The following TYW1 variants were observed in gnomAD, a reference collection of about 807,000 sequenced individuals.
TYW1 encodes the protein S-adenosyl-L-methionine-dependent tRNA 4-demethylwyosine synthase TYW1.
A neutral mutation model predicts 96.2 loss-of-function variants in TYW1; 46 were observed. The observed-to-expected ratio is 0.48, with a 90% CI of 0.38 to 0.61. The LOEUF (loss-of-function observed/expected upper bound fraction) is 0.61. TYW1 is among the 20% of genes least tolerant of loss of function. TYW1 has a pLI of 0.00. For missense variants in TYW1, 684 were observed against 909.6 expected, an observed-to-expected ratio of 0.75 and a Z score of 3.19; for synonymous variants, 274 against 323.0, an observed-to-expected ratio of 0.85 and a Z score of 1.63.
chr7:67,105,922 A>C (rs1473288316), intron 12 of TYW1, among the ~76,000 whole-genome samples: 6 of 84,538 alleles, frequency 7.1e-5, no homozygotes, highest in Non-Finnish European at 1.3e-4. Context: ...GAGATGGAGG[A>C]GTTTCGCTCT....
At chr7:67,079,028 G>A (rs1023512642) in intron 10 of TYW1, among the ~76,000 whole-genome samples, 5 of 152,078 alleles carry the variant, frequency 3.3e-5, no homozygotes, top group Non-Finnish European at 5.9e-5. Flanking sequence ...CAGGGATATT[G>A]GCATGCTATT....
At chr7:67,226,487 C>A (rs1801563146) in intron 15 of TYW1, among the ~76,000 whole-genome samples, 1 of 152,192 alleles carries the variant, frequency 6.6e-6, no homozygotes, top group Admixed American at 6.5e-5. Flanking sequence ...CACCCAGGAA[C>A]TGACTCAGCT....
In TYW1 at chr7:67,172,517, T is replaced by G. The variant is rs181009578; in HGVS notation, c.1699-10609T>G. On this transcript the variant is annotated intron_variant, in intron 13 of 15. Transcript: ENST00000359626. ...CTCACTGCAGCCTCTGCCTCCTGAG[T>G]TCAAGTGATTCTCCTGCCTGAGCCT... is the stretch of plus-strand genomic sequence containing the variant. 6.8e-3 allele frequency among the ~76,000 whole-genome samples: 1,026 copies of G among 151,778 alleles called. 6 individuals carry two copies. The highest frequency in any genetic ancestry group is 0.01 in the Non-Finnish European group (682 of 67,954).
chr7:67,005,683 T>C (rs896335836), intron 3 of TYW1, among the ~76,000 whole-genome samples: 2 of 152,220 alleles, frequency 1.3e-5, no homozygotes, highest in Non-Finnish European at 2.9e-5. Flanking sequence ...CAGTACCACT[T>C]GGCCCTCTTC....
chr7:67,139,805 A>G (rs957991709), intron 13 of TYW1, among the ~76,000 whole-genome samples: 3 of 149,972 alleles, frequency 2.0e-5, no homozygotes, highest in African/African-American at 7.4e-5. Context: ...TCAAACTGTA[A>G]TGATCACCAT....
intron 15 of TYW1, among the ~76,000 whole-genome samples, chr7:67,214,885 C>T (rs1352415389): frequency 1.3e-5 from 2 of 151,616 alleles, no homozygotes; most frequent in African/African-American, 4.9e-5. Flanking sequence ...TCTTTTGATA[C>T]ATTGTTAGAT....
intron 12 of TYW1, among the ~76,000 whole-genome samples, chr7:67,111,714 C>T (rs1310136903): frequency 6.6e-6 from 1 of 152,036 alleles, no homozygotes; most frequent in African/African-American, 2.4e-5. Context: ...GGGAAATTCA[C>T]AAATATGTGG....
chr7:67,204,399 G>A (rs1017066675), intron 15 of TYW1, among the ~76,000 whole-genome samples: 7 of 151,618 alleles, frequency 4.6e-5, no homozygotes, highest in African/African-American at 1.5e-4. Flanking sequence ...TTTAGTTATT[G>A]TATTTTTCAG....
At chr7:67,094,634 G>A (rs1584552609) in intron 11 of TYW1, among the ~76,000 whole-genome samples, 1 of 135,584 alleles carries the variant, frequency 7.4e-6, no homozygotes, top group South Asian at 2.4e-4. Flanking sequence ...GTGGGAGGAA[G>A]AGAGAGAGAG....
At chr7:67,193,778 T>A (rs1349896264) in intron 14 of TYW1, among the ~76,000 whole-genome samples, 4 of 131,194 alleles carry the variant, frequency 3.0e-5, no homozygotes, top group Non-Finnish European at 6.6e-5. Flanking sequence ...AAAAAAAAAA[T>A]TCAGTGTCAT....
chr7:67,126,458 CA>C (rs1254999219), intron 13 of TYW1, among the ~76,000 whole-genome samples: 5 of 152,116 alleles, frequency 3.3e-5, no homozygotes, highest in African/African-American at 1.2e-4. Flanking sequence ...GTGTCTTCTG[CA>C]GAGCAAAAAT....
At position 66,997,045 on chromosome 7, in the gene TYW1, C is replaced by T. The variant is rs143271968; in HGVS notation, c.4+63C>T. On this transcript the variant is annotated intron_variant, in intron 1 of 15. Coordinates refer to ENST00000359626, the MANE Select transcript of TYW1 (RefSeq NM_018264.4). ...GGGGAGGTAAACGTTTTACTGAGACCCTCTCCGGGCGGAGTGGCGTCCTCG... is the reference window on the plus strand; with the variant it reads ...GGGGAGGTAAACGTTTTACTGAGACTCTCTCCGGGCGGAGTGGCGTCCTCG... The T allele has an allele frequency of 8.1e-4, 1,310 of 1,607,806 alleles. 13 individuals are homozygous for T. In the African/African-American group the frequency reaches 0.015, roughly 18 times the overall value.
At chr7:67,150,548 G>A (rs1798762536) in intron 13 of TYW1, among the ~76,000 whole-genome samples, 2 of 152,288 alleles carry the variant, frequency 1.3e-5, no homozygotes, top group African/African-American at 4.8e-5. Flanking sequence ...AGCAATCAGT[G>A]AAAACCCTTC....
Position 67,098,527 on chromosome 7 carries a change from A to C in TYW1, c.1385-14A>C. 6.4e-7 allele frequency: 1 copy of C among 1,551,566 alleles called. No individual in the cohort carries two copies. The highest frequency in any genetic ancestry group is 8.7e-7 in the Non-Finnish European group (1 of 1,145,378). ...TGCCTTATGTAGCTGGGTCCTTCTC[A>C]CTGTATTCTCCAGGAGTACCGGGCG... On this transcript the variant is annotated splice_polypyrimidine_tract_variant and intron_variant, in intron 11 of 15. Transcript: ENST00000359626.
chr7:67,212,439 T>C (rs1478292417), intron 15 of TYW1, among the ~76,000 whole-genome samples: 1 of 152,200 alleles, frequency 6.6e-6, no homozygotes, highest in Non-Finnish European at 1.5e-5. Context: ...GGGACAATTA[T>C]GAACAAAGCT....
intron 13 of TYW1, among the ~76,000 whole-genome samples, chr7:67,179,973 T>C (rs1159466361): frequency 8.4e-6 from 1 of 119,598 alleles, no homozygotes; most frequent in Non-Finnish European, 1.8e-5. Context: ...CAAGCAATCC[T>C]CCTGCTTCAG....
At chr7:67,143,697 C>T (rs1365262508) in intron 13 of TYW1, among the ~76,000 whole-genome samples, 1 of 152,138 alleles carries the variant, frequency 6.6e-6, no homozygotes, top group Non-Finnish European at 1.5e-5. Flanking sequence ...TCTCAGCCTT[C>T]ATGTTAAAAA....
At chr7:67,106,506 G>C (rs966040195) in intron 12 of TYW1, among the ~76,000 whole-genome samples, 1 of 152,064 alleles carries the variant, frequency 6.6e-6, no homozygotes, top group Non-Finnish European at 1.5e-5. Context: ...CGTGTTGTAA[G>C]GCAAGGAAGT....
At chr7:67,213,963 G>T (rs1379027611) in intron 15 of TYW1, among the ~76,000 whole-genome samples, 1 of 152,052 alleles carries the variant, frequency 6.6e-6, no homozygotes, top group East Asian at 1.9e-4. Flanking sequence ...CTTCTAACTT[G>T]TTCTTCTTCA....
Sources: allele counts gnomAD v4.1 joint callset (sites outside exome capture counted in the v4.1 genomes callset), GRCh38; gene constraint gnomAD v4.1.1; transcripts MANE v1.5; gene names NCBI Gene and HGNC (gene_info 2026-07-23, HGNC 2026-07-21).